The following PDE3B variants were observed in gnomAD, a reference collection of about 807,000 sequenced individuals.
PDE3B encodes the protein phosphodiesterase 3B.
PDE3B carries 66 observed loss-of-function variants against 116.8 expected under a neutral mutation model. The ratio of observed to expected loss-of-function variants is 0.56; its 90% CI spans 0.46 to 0.69. The LOEUF is 0.69. PDE3B is among the 30% of genes least tolerant of loss of function. The pLI is 0.00. For missense variants in PDE3B, 1,384 were observed against 1,368.1 expected, an observed-to-expected ratio of 1.01 and a Z score of -0.18; for synonymous variants, 595 against 533.6, an observed-to-expected ratio of 1.12 and a Z score of -1.59.
At chr11:14,806,200 C>T (rs1313714350) in intron 5 of PDE3B, among the ~76,000 whole-genome samples, 1 of 151,868 alleles carries the variant, frequency 6.6e-6, no homozygotes, top group Non-Finnish European at 1.5e-5. Flanking sequence ...CGCCTGTAAT[C>T]CCAGCACTTT....
At chr11:14,752,801 C>G (rs1468737159) in intron 1 of PDE3B, among the ~76,000 whole-genome samples, 1 of 152,074 alleles carries the variant, frequency 6.6e-6, no homozygotes, top group Non-Finnish European at 1.5e-5. Flanking sequence ...TATTCAGTCA[C>G]TTTTGTCCTC....
At chr11:14,781,550 A>G (rs1252931987) in intron 2 of PDE3B, among the ~76,000 whole-genome samples, 1 of 152,192 alleles carries the variant, frequency 6.6e-6, no homozygotes, top group Non-Finnish European at 1.5e-5. Context: ...AGAGAACCAA[A>G]GACAAAAACC....
intron 1 of PDE3B, among the ~76,000 whole-genome samples, chr11:14,757,180 A>T (rs1298440502): frequency 6.6e-6 from 1 of 151,564 alleles, no homozygotes; most frequent in African/African-American, 2.4e-5. Context: ...TATGTGCCAC[A>T]TTTTCTTAAT....
At chr11:14,874,447 C>T (rs1446011737), downstream of PDE3B, among the ~76,000 whole-genome samples, 2 of 152,060 alleles carry the variant, frequency 1.3e-5, no homozygotes, top group Non-Finnish European at 2.9e-5. Flanking sequence ...CTTAAAAACT[C>T]ATTATTTTAA....
At chr11:14,690,027 A>G (rs1174466251) in intron 1 of PDE3B, among the ~76,000 whole-genome samples, 1 of 152,186 alleles carries the variant, frequency 6.6e-6, no homozygotes, top group Admixed American at 6.5e-5. Flanking sequence ...AATATAGACT[A>G]GCTGTTCTGG....
intron 1 of PDE3B, among the ~76,000 whole-genome samples, chr11:14,663,536 A>G (rs947127571): frequency 6.6e-6 from 1 of 152,084 alleles, no homozygotes; most frequent in Non-Finnish European, 1.5e-5. Flanking sequence ...TCTCACGTGC[A>G]GAGACACACA....
chr11:14,823,484 C>A (rs1038354452), intron 7 of PDE3B, among the ~76,000 whole-genome samples: 2 of 152,014 alleles, frequency 1.3e-5, no homozygotes, highest in Non-Finnish European at 2.9e-5. Context: ...GGGGCTGCAG[C>A]AGACCCCAAA....
intron 1 of PDE3B, among the ~76,000 whole-genome samples, chr11:14,721,323 G>A (rs981190685): frequency 6.6e-6 from 1 of 152,030 alleles, no homozygotes; most frequent in African/African-American, 2.4e-5. Flanking sequence ...TACACTGTTG[G>A]TGGGACTGTA....
chr11:14,661,743 T>G (rs1853921481), intron 1 of PDE3B, among the ~76,000 whole-genome samples: 1 of 152,124 alleles, frequency 6.6e-6, no homozygotes. Flanking sequence ...AGGCGGCAGT[T>G]AGGCTGGGGA....
intron 1 of PDE3B, among the ~76,000 whole-genome samples, chr11:14,733,777 T>C (rs983381115): frequency 2.0e-5 from 3 of 152,000 alleles, no homozygotes; most frequent in Non-Finnish European, 4.4e-5. Context: ...AGCCAATAAA[T>C]AGAAGTTTAA....
At chr11:14,653,867 G>A (rs896891252) in intron 1 of PDE3B, among the ~76,000 whole-genome samples, 5 of 152,022 alleles carry the variant, frequency 3.3e-5, no homozygotes, top group African/African-American at 1.2e-4. Context: ...GCATGGTGGC[G>A]AATGCCTATA....
At chr11:14,664,640 T>G (rs912726385) in intron 1 of PDE3B, among the ~76,000 whole-genome samples, 1 of 151,986 alleles carries the variant, frequency 6.6e-6, no homozygotes, top group East Asian at 1.9e-4. Flanking sequence ...TACAAACAGC[T>G]CTAAGCAAAT....
intron 11 of PDE3B, among the ~76,000 whole-genome samples, chr11:14,836,627 A>G (rs536508550): frequency 8.1e-4 from 124 of 152,324 alleles, no homozygotes; most frequent in African/African-American, 2.9e-3. Flanking sequence ...CCAGAAATTT[A>G]GTCACTGAAA....
At chr11:14,823,120 C>CG (rs1859574671) in intron 7 of PDE3B, among the ~76,000 whole-genome samples, 1 of 151,956 alleles carries the variant, frequency 6.6e-6, no homozygotes, top group African/African-American at 2.4e-5. Context: ...ATAGTGCTCC[C>CG]GGGGGAGGGA....
At position 14,789,089 on chromosome 11, in the gene PDE3B, G is replaced by A. The variant is rs747537872; in HGVS notation, c.1279-17G>A. On this transcript the variant is annotated splice_polypyrimidine_tract_variant and intron_variant, in intron 3 of 15. Transcript: ENST00000282096. ...TTAAAGAGTGACATTTTAAACCATT[G>A]TTAAATTATTCAACAGGGACTAAAT... 3.8e-6 allele frequency: 6 copies of A among 1,584,456 alleles called. No homozygotes were observed. The Admixed American group carries it at 9.2e-5, about 24-fold the overall frequency.
chr11:14,795,393 A>C (rs1490464559), intron 4 of PDE3B, among the ~76,000 whole-genome samples: 1 of 152,200 alleles, frequency 6.6e-6, no homozygotes, highest in Non-Finnish European at 1.5e-5. Context: ...CTTCCTGCCA[A>C]CTATTAGTAG....
the PDE3B span, among the ~76,000 whole-genome samples, chr11:14,880,944 A>T: frequency 1.3e-5 from 2 of 152,036 alleles, no homozygotes; most frequent in Non-Finnish European, 2.9e-5. Context: ...TATAACAGAT[A>T]AAGTTTTTCT....
At chr11:14,704,520 A>G (rs1348209193) in intron 1 of PDE3B, among the ~76,000 whole-genome samples, 3 of 151,808 alleles carry the variant, frequency 2.0e-5, no homozygotes, top group African/African-American at 7.2e-5. Flanking sequence ...CATTGGATTT[A>G]TAGTTCCTGA....
At chr11:14,726,698 A>G (rs1166260866) in intron 1 of PDE3B, among the ~76,000 whole-genome samples, 5 of 152,192 alleles carry the variant, frequency 3.3e-5, no homozygotes, top group African/African-American at 1.2e-4. Context: ...GCTTTGTTGG[A>G]TAATGCTTAC....
Sources: gnomAD v4.1 joint callset for allele counts (sites outside exome capture counted in the v4.1 genomes callset) on GRCh38, gnomAD v4.1.1 for gene constraint, MANE v1.5 for transcripts, NCBI Gene and HGNC (gene_info 2026-07-23, HGNC 2026-07-21) for gene names.